MBP: variants seen among roughly 807,000 people sequenced by gnomAD.
The protein encoded by MBP is myelin basic protein.
A neutral mutation model predicts 35.8 loss-of-function variants in MBP; 16 were observed. The ratio of observed to expected loss-of-function variants is 0.45; its 90% CI spans 0.30 to 0.68. The LOEUF is 0.68. Ranked by LOEUF, MBP falls within the 30% of genes least tolerant of loss-of-function variation. The pLI, the probability that MBP is intolerant of heterozygous loss-of-function variation, is 0.08. For missense variants in MBP, 380 were observed against 404.7 expected (o/e 0.94, Z 0.52); for synonymous variants, 143 against 159.6 (o/e 0.90, Z 0.78).
intron 3 of MBP, among the ~76,000 whole-genome samples, chr18:77,052,583 G>C (rs1448222589): frequency 1.3e-5 from 2 of 152,204 alleles, no homozygotes; most frequent in Admixed American, 6.5e-5. Flanking sequence ...GATCGCTTAG[G>C]GGTAAGTGCA....
At chr18:77,121,152 A>G (rs1976873189) in intron 1 of MBP, among the ~76,000 whole-genome samples, 2 of 152,056 alleles carry the variant, frequency 1.3e-5, no homozygotes, top group South Asian at 2.1e-4. Context: ...TAAAAATACA[A>G]AAATTAGCCT....
chr18:77,025,949 G>A (rs1045216374), intron 3 of MBP, among the ~76,000 whole-genome samples: 9 of 152,116 alleles, frequency 5.9e-5, no homozygotes, highest in East Asian at 1.9e-4. Context: ...CCGAAAAACC[G>A]TCCTTCTCCC....
chr18:77,022,381 G>A (rs1272687053), intron 3 of MBP, among the ~76,000 whole-genome samples: 1 of 152,178 alleles, frequency 6.6e-6, no homozygotes, highest in Admixed American at 6.5e-5. Flanking sequence ...GGACCAGGTG[G>A]GGCGGGAGAC....
intron 2 of MBP, chr18:77,093,212 A>G (rs1369854756): frequency 6.6e-6 from 1 of 152,226 alleles, no homozygotes; most frequent in Admixed American, 6.5e-5. Flanking sequence ...CTCCGGGAGC[A>G]TCAGGGATCC....
rs900182718 is a variant in MBP, at chr18:76,988,966, A to G, written c.682-54T>C. The G allele has an allele frequency of 8.3e-6, 13 of 1,573,744 alleles. No individual in the cohort carries two copies. Among genetic ancestry groups the G allele is most frequent in the Non-Finnish European group, 1.0e-5 (12 of 1,143,448 alleles). ...CACTGGGAGCCCTGTGCCGCCGTCCATTTCCTAACGGGCTCCTGCCTGCTG... is the reference window on the plus strand; with the variant it reads ...CACTGGGAGCCCTGTGCCGCCGTCCGTTTCCTAACGGGCTCCTGCCTGCTG... On this transcript the variant is annotated intron_variant, in intron 5 of 8. Transcript: ENST00000355994. The surrounding 1 kb of genome is among the most constrained non-coding windows in gnomAD (Gnocchi z 5.2).
intron 4 of MBP, among the ~76,000 whole-genome samples, chr18:76,993,302 T>C (rs4890873): frequency 0.26 from 40,293 of 152,096 alleles, 5,956 homozygotes; most frequent in East Asian, 0.42. Flanking sequence ...CCTGTAATCC[T>C]AGCACTTTGG....
At chr18:77,023,462 T>C (rs1238021683) in intron 3 of MBP, among the ~76,000 whole-genome samples, 2 of 152,166 alleles carry the variant, frequency 1.3e-5, no homozygotes, top group Non-Finnish European at 2.9e-5. Context: ...TGCCGCTTTC[T>C]GCTGGGGCTC....
At chr18:77,120,886 C>G (rs959525626) in intron 1 of MBP, among the ~76,000 whole-genome samples, 1 of 152,204 alleles carries the variant, frequency 6.6e-6, no homozygotes, top group Admixed American at 6.5e-5. Flanking sequence ...AGATTTAGGA[C>G]CCCGTGAGGA....
Position 77,020,369 on chromosome 18 carries a change from T to C in MBP, c.140-3101A>G, listed in dbSNP as rs1971942789. Among the ~76,000 whole-genome samples the C allele has an allele frequency of 6.6e-6, 1 of 152,134 alleles. No individual in the cohort carries two copies. The highest frequency in any genetic ancestry group is 2.4e-5 in the African/African-American group (1 of 41,428). On this transcript the variant is annotated intron_variant, in intron 3 of 8. Coordinates refer to ENST00000355994, the MANE Select transcript of MBP (RefSeq NM_001025101.2). This position sits in a 1 kb window ranked among gnomAD's most constrained non-coding sequence, Gnocchi z 4.1. ...ACCAAGAGTGAGCAGTGGACAGATA[T>C]TCTTCTACGTCGGTTTCCACAAAGG...
In MBP at chr18:77,131,388, A is replaced by C. The variant is rs995974690; in HGVS notation, c.-26+1192T>G. Among the ~76,000 whole-genome samples, 1 of 152,154 alleles carries C rather than the reference A, an allele frequency of 6.6e-6. No individual in the cohort carries two copies. The highest frequency in any genetic ancestry group is 1.5e-5 in the Non-Finnish European group (1 of 68,036). On this transcript the variant is annotated intron_variant, in intron 1 of 8. Coordinates refer to ENST00000355994, the MANE Select transcript of MBP (RefSeq NM_001025101.2). This position sits in a 1 kb window ranked among gnomAD's most constrained non-coding sequence, Gnocchi z 5.5. ...GTTCCCTGACGTTTCCTTCCTCTGA[A>C]AAACTCTCTTTCCAGGCGGGGCGTT... is the stretch of plus-strand genomic sequence containing the variant.
chr18:77,043,038 A>G (rs2144637883), intron 3 of MBP, among the ~76,000 whole-genome samples: 1 of 152,324 alleles, frequency 6.6e-6, no homozygotes, highest in Middle Eastern at 3.4e-3. Context: ...CTAGATATAC[A>G]TAGTTTTAGA....
At position 77,057,824 on chromosome 18, in the gene MBP, GTTTTTT is replaced by G. The variant is rs780881071; in HGVS notation, c.139+8468_139+8473del. Among the ~76,000 whole-genome samples the G allele has an allele frequency of 2.2e-4, 2 of 9,198 alleles. 1 individual carries two copies. Among genetic ancestry groups the G allele is most frequent in the African/African-American group, 1.7e-3 (2 of 1,208 alleles). The allele number at this position is 9,198 out of a possible 152,430, so 6.0% of individuals were successfully genotyped here. On this transcript the variant is annotated intron_variant, in intron 3 of 8. Coordinates refer to ENST00000355994, the MANE Select transcript of MBP (RefSeq NM_001025101.2). ...GGGACACCTGAGGAAGGCGGGGAGT[GTTTTTT>G]TTTTTTTTTTTTTTGAGACGGAGTC...
intron 2 of MBP, among the ~76,000 whole-genome samples, chr18:77,091,257 T>TA (rs1975510558): frequency 1.3e-5 from 2 of 152,218 alleles, no homozygotes; most frequent in African/African-American, 4.8e-5. Context: ...TTGCCTGACT[T>TA]ACAGTTTGTA....
chr18:76,984,956 A>G, intron 7 of MBP, 62 bp from the exon 8 acceptor site: 1 of 1,598,522 alleles, frequency 6.3e-7, no homozygotes, highest in Admixed American at 1.7e-5. Flanking sequence ...TGCTTGAGCC[A>G]CTGGGAGCTG....
intron 4 of MBP, among the ~76,000 whole-genome samples, chr18:77,001,625 T>A (rs1386038612): frequency 6.6e-6 from 1 of 151,984 alleles, no homozygotes; most frequent in East Asian, 1.9e-4. Context: ...CCAAGGCGGG[T>A]GGATCACCTG....
chr18:77,045,504 G>T (rs1386382997), intron 3 of MBP, among the ~76,000 whole-genome samples: 1 of 152,240 alleles, frequency 6.6e-6, no homozygotes, highest in Non-Finnish European at 1.5e-5. Flanking sequence ...TCTGGAGCCT[G>T]GCTGCCAGCA....
At position 77,029,034 on chromosome 18, in the gene MBP, C is replaced by T. The variant is rs1465835995; in HGVS notation, c.140-11766G>A. 1.5e-4 allele frequency among the ~76,000 whole-genome samples: 16 copies of T among 107,508 alleles called. 2 individuals are homozygous for T. Among genetic ancestry groups the T allele is most frequent in the East Asian group, 1.4e-3 (5 of 3,562 alleles). The allele number at this position is 107,508 out of a possible 152,430, so 70.5% of individuals were successfully genotyped here. ...GGCGGCCGGGCAGAGGCTGCAATCT[C>T]GGCACTTTGGGAGGCCAAGGCAGGC... On this transcript the variant is annotated intron_variant, in intron 3 of 8. Transcript: ENST00000355994.
intron 4 of MBP, chr18:77,002,752 G>A (rs1293259519): frequency 6.6e-6 from 1 of 152,234 alleles, no homozygotes; most frequent in Non-Finnish European, 1.5e-5. Flanking sequence ...GTGAACGTAG[G>A]ATGAGAGGCT....
In MBP at chr18:77,052,874, T is replaced by C. The variant is rs59717417; in HGVS notation, c.139+13424A>G. 4.2e-3 allele frequency among the ~76,000 whole-genome samples: 642 copies of C among 152,136 alleles called. 4 individuals are homozygous for C. Among genetic ancestry groups the C allele is most frequent in the African/African-American group, 1.0e-2 (413 of 41,506 alleles). On this transcript the variant is annotated intron_variant, in intron 3 of 8. Coordinates refer to ENST00000355994, the MANE Select transcript of MBP (RefSeq NM_001025101.2). Reference sequence around the variant, plus strand: ...CCTCACGCCATGTATACCCCCCGGGTGGACTTCAGGGGCGCTGTCCCTGTG... The same window carrying C: ...CCTCACGCCATGTATACCCCCCGGGCGGACTTCAGGGGCGCTGTCCCTGTG...
Sources: gnomAD v4.1 joint callset for allele counts (sites outside exome capture counted in the v4.1 genomes callset) on GRCh38, gnomAD v4.1.1 for gene constraint, Gnocchi (gnomAD v3.1) non-coding constraint, MANE v1.5 for transcripts, NCBI Gene and HGNC (gene_info 2026-07-23, HGNC 2026-07-21) for gene names.